ANKRD55: variants seen among roughly 807,000 people sequenced by gnomAD.
ANKRD55 encodes the protein ankyrin repeat domain 55, also known as ankyrin repeat domain-containing protein 55.
ANKRD55 carries 41 observed loss-of-function variants against 60.6 expected under a neutral mutation model. The observed-to-expected ratio is 0.68, with a 90% CI of 0.53 to 0.88. The LOEUF is 0.88. ANKRD55 is among the 40% of genes least tolerant of loss of function. The pLI, the probability that ANKRD55 is intolerant of heterozygous loss-of-function variation, is 0.00. For synonymous variants in ANKRD55, 264 were observed against 290.3 expected, an observed-to-expected ratio of 0.91 and a Z score of 0.92; for missense variants, 732 against 767.6, an observed-to-expected ratio of 0.95 and a Z score of 0.55.
intron 2 of ANKRD55, among the ~76,000 whole-genome samples, chr5:56,220,008 AT>A (rs981510915): frequency 5.9e-5 from 9 of 152,342 alleles, no homozygotes; most frequent in African/African-American, 2.2e-4. Flanking sequence ...AGAGCTCAGC[AT>A]GGTGGCCCAG....
At chr5:56,113,373 C>CT (rs1756793585) in intron 9 of ANKRD55, among the ~76,000 whole-genome samples, 1 of 152,028 alleles carries the variant, frequency 6.6e-6, no homozygotes, top group Admixed American at 6.6e-5. Flanking sequence ...AGTCCTTTAA[C>CT]TTAATAATGT....
At chr5:56,118,100 A>G (rs2111695005) in intron 8 of ANKRD55, among the ~76,000 whole-genome samples, 1 of 151,472 alleles carries the variant, frequency 6.6e-6, no homozygotes, top group East Asian at 2.0e-4. Flanking sequence ...CCGAGATCAT[A>G]CCACTGCACT....
At chr5:56,105,119 C>T (rs931315130) in intron 10 of ANKRD55, among the ~76,000 whole-genome samples, 2 of 148,560 alleles carry the variant, frequency 1.3e-5, no homozygotes, top group Admixed American at 1.3e-4. Flanking sequence ...CAGTGTCTCA[C>T]TCTGTTTCTC....
At chr5:56,114,597 C>T (rs1407659313) in intron 9 of ANKRD55, among the ~76,000 whole-genome samples, 1 of 152,086 alleles carries the variant, frequency 6.6e-6, no homozygotes, top group African/African-American at 2.4e-5. Context: ...ATTAAGTGAA[C>T]CAATATTTTC....
intron 7 of ANKRD55, among the ~76,000 whole-genome samples, chr5:56,131,388 A>T (rs1178512690): frequency 6.6e-6 from 1 of 152,196 alleles, no homozygotes; most frequent in Admixed American, 6.5e-5. Context: ...ATCAACAAGA[A>T]TTCTGTACCT....
At chr5:56,194,327 A>G (rs1367254534) in intron 2 of ANKRD55, among the ~76,000 whole-genome samples, 8 of 151,928 alleles carry the variant, frequency 5.3e-5, no homozygotes, top group Non-Finnish European at 1.2e-4. Context: ...AAAAAAAAAA[A>G]AAAAAGAAAA....
At chr5:56,116,846 C>CA in intron 8 of ANKRD55, 64 bp from the exon 9 acceptor site, 1 of 1,434,194 alleles carries the variant, frequency 7.0e-7, no homozygotes, top group Non-Finnish European at 9.2e-7. Flanking sequence ...GCTGCTTAGC[C>CA]AGCAACAGCT....
At chr5:56,195,499 A>G (rs1759208418) in intron 2 of ANKRD55, among the ~76,000 whole-genome samples, 1 of 152,130 alleles carries the variant, frequency 6.6e-6, no homozygotes. Context: ...GCTGGAGTGC[A>G]GTGTCGCGAT....
At chr5:56,140,708 A>G (rs1421125239) in intron 7 of ANKRD55, among the ~76,000 whole-genome samples, 1 of 152,198 alleles carries the variant, frequency 6.6e-6, no homozygotes, top group East Asian at 1.9e-4. Context: ...TTCATTTATC[A>G]TAGTGCTTCT....
At chr5:56,129,021 C>T (rs1419258406) in intron 7 of ANKRD55, among the ~76,000 whole-genome samples, 1 of 152,226 alleles carries the variant, frequency 6.6e-6, no homozygotes, top group Non-Finnish European at 1.5e-5. Flanking sequence ...TTAAGAGTTT[C>T]TCCTAGTAAG....
chr5:56,129,412 G>T (rs1423846058), intron 7 of ANKRD55, among the ~76,000 whole-genome samples: 1 of 152,146 alleles, frequency 6.6e-6, no homozygotes, highest in Non-Finnish European at 1.5e-5. Context: ...ATTTGTTTTT[G>T]TTCATGAGTA....
At chr5:56,148,309 T>A (rs566753644) in intron 6 of ANKRD55, among the ~76,000 whole-genome samples, 2 of 152,262 alleles carry the variant, frequency 1.3e-5, no homozygotes, top group Admixed American at 6.5e-5. Flanking sequence ...AATCTAGCAG[T>A]CACTATCAGG....
intron 2 of ANKRD55, among the ~76,000 whole-genome samples, chr5:56,224,629 A>G (rs974763960): frequency 1.3e-5 from 2 of 152,226 alleles, no homozygotes; most frequent in African/African-American, 4.8e-5. Context: ...AAACAGATGC[A>G]ATAAAAAATG....
Position 56,116,604 on chromosome 5 carries a change from G to C in ANKRD55, c.965+11C>G. On this transcript the variant is annotated intron_variant, in intron 9 of 11. Transcript: ENST00000341048. Reference sequence around the variant, plus strand: ...AAGAATAGAAAAATAACTGGCTCCTGTTGTACTCACCTGCTCTCTTGGGAG... The same window carrying C: ...AAGAATAGAAAAATAACTGGCTCCTCTTGTACTCACCTGCTCTCTTGGGAG... 6.6e-7 allele frequency: 1 copy of C among 1,525,572 alleles called. No individual in the cohort carries two copies. Among genetic ancestry groups the C allele is most frequent in the African/African-American group, 1.4e-5 (1 of 70,788 alleles). 94.5% of individuals were successfully genotyped at this position (1,525,572 alleles called of 1,614,324 possible).
chr5:56,134,652 T>C (rs1757510023), intron 7 of ANKRD55, among the ~76,000 whole-genome samples: 2 of 152,006 alleles, frequency 1.3e-5, no homozygotes, highest in South Asian at 4.1e-4. Context: ...GAGGCTCAGA[T>C]GTATTCACTG....
In ANKRD55 at chr5:56,116,741, C is replaced by T; in HGVS notation, c.839G>A (p.Cys280Tyr). 6.2e-7 allele frequency: 1 copy of T among 1,613,684 alleles called. No individual in the cohort carries two copies. Among genetic ancestry groups the T allele is most frequent in the Non-Finnish European group, 8.5e-7 (1 of 1,179,828 alleles). ...TCCCAACTCCAGCAGTGACTGGACACATTCGGCCTTCCCTGCAGCTGCAGC... is the reference window on the plus strand; with the variant it reads ...TCCCAACTCCAGCAGTGACTGGACATATTCGGCCTTCCCTGCAGCTGCAGC... ...HWAAAAGKAE[C>Y]VQSLLELGMD... is the part of the protein sequence containing the mutation. Residue 280 changes from cysteine to tyrosine, a missense_variant, in exon 9 of 12, where the codon TGT (cysteine) becomes TAT (tyrosine). This residue lies in a region of ANKRD55 where 597 missense variants were observed against 607.5 expected (regional missense o/e 0.98). Transcript: ENST00000341048.
Position 56,127,045 on chromosome 5 carries a change from T to G in ANKRD55, c.674A>C (p.Asn225Thr). 3 of 1,613,860 alleles carry G rather than the reference T, an allele frequency of 1.9e-6. No homozygotes were observed. The highest frequency in any genetic ancestry group is 2.5e-6 in the Non-Finnish European group (3 of 1,179,892). Residue 225 changes from asparagine to threonine, a missense_variant, in exon 8 of 12, where the codon AAC becomes ACC. Asn to Thr is a moderately conservative substitution (Grantham distance 65, BLOSUM62 0). Coordinates refer to ENST00000341048, the MANE Select transcript of ANKRD55 (RefSeq NM_024669.3). ...TGTCTTCCCACTCTCATCATCATAG[T>G]TGATTATGGACGGCCCCTGGTGATG... ...LSHHQGPSII[N>T]YDDESGKTCV...
intron 10 of ANKRD55, among the ~76,000 whole-genome samples, chr5:56,107,034 C>T (rs1252452967): frequency 6.7e-6 from 1 of 148,870 alleles, no homozygotes; most frequent in African/African-American, 2.4e-5. Context: ...AAAAAAAATC[C>T]CTCACTCTCT....
intron 6 of ANKRD55, 30 bp downstream of exon 6, chr5:56,159,803 G>C: frequency 6.2e-7 from 1 of 1,610,272 alleles, no homozygotes; most frequent in Non-Finnish European, 8.5e-7. Flanking sequence ...CATGCAAAAT[G>C]ACCACTTGTT....
Sources: gnomAD v4.1 joint callset for allele counts (sites outside exome capture counted in the v4.1 genomes callset) on GRCh38, gnomAD v4.1.1 for gene constraint, gnomAD v4.1.1 regional missense constraint, MANE v1.5 for transcripts, NCBI Gene and HGNC (gene_info 2026-07-23, HGNC 2026-07-21) for gene names.